The following GABRG1 variants were observed in gnomAD, a reference collection of about 807,000 sequenced individuals.
The protein encoded by GABRG1 is gamma-aminobutyric acid type A receptor subunit gamma1, also known as gamma-aminobutyric acid receptor subunit gamma-1.
In GABRG1, 49 loss-of-function variants were observed where a neutral mutation model predicts 49.8. The ratio of observed to expected loss-of-function variants is 0.98; its 90% CI spans 0.78 to 1.25. GABRG1 has a LOEUF of 1.25. GABRG1 is among the 50% of genes most tolerant of loss of function. The pLI is 0.00. For synonymous variants in GABRG1, 232 were observed against 185.1 expected, an observed-to-expected ratio of 1.25 and a Z score of -2.06; for missense variants, 552 against 552.3, an observed-to-expected ratio of 1.00 and a Z score of 0.01.
At chr4:46,086,143 A>G (rs1719744025) in intron 2 of GABRG1, among the ~76,000 whole-genome samples, 1 of 151,622 alleles carries the variant, frequency 6.6e-6, no homozygotes, top group Non-Finnish European at 1.5e-5. Flanking sequence ...CTGTGCTGTT[A>G]TTTTAAGTAC....
In GABRG1 at chr4:46,059,536, G is replaced by A. The variant is rs115486080; in HGVS notation, c.626-914C>T. Among the ~76,000 whole-genome samples, 255 of 151,926 alleles carry A rather than the reference G, an allele frequency of 1.7e-3. 2 individuals carry two copies. The highest frequency in any genetic ancestry group is 5.9e-3 in the African/African-American group (246 of 41,442). On this transcript the variant is annotated intron_variant, in intron 5 of 8. Transcript: ENST00000295452. ...CCAAGTAGCTGAGACCTATACAGGT[G>A]CTTGCCAACACGAATGGCTACCCTT... is the stretch of plus-strand genomic sequence containing the variant.
At chr4:46,053,056 C>T (rs577951109) in intron 7 of GABRG1, among the ~76,000 whole-genome samples, 91 of 151,606 alleles carry the variant, frequency 6.0e-4, no homozygotes, top group Non-Finnish European at 1.2e-3. Context: ...TTGTGCCTCT[C>T]GTTTAAAAAA....
rs771214901 is a variant in GABRG1 at position 46,041,185 on chromosome 4, C to T, written c.1201G>A (p.Asp401Asn). The T allele has an allele frequency of 1.3e-5, 21 of 1,612,956 alleles. No individual in the cohort carries two copies. Among genetic ancestry groups the T allele is most frequent in the Non-Finnish European group, 1.8e-5 (21 of 1,179,298 alleles). Residue 401 changes from aspartate to asparagine, a missense_variant, in exon 9 of 9, where the codon GAT (aspartate) becomes AAT (asparagine). Transcript: ENST00000295452. ...CCCTCCAAACACTGATACCCATAATCATCTTCTTGCGGCACAGAAATATTA... is the reference window on the plus strand; with the variant it reads ...CCCTCCAAACACTGATACCCATAATTATCTTCTTGCGGCACAGAAATATTA... ...MNNISVPQED[D>N]YGYQCLEGKD... is the part of the protein sequence containing the mutation.
At chr4:46,115,481 A>G (rs539422839) in intron 1 of GABRG1, among the ~76,000 whole-genome samples, 2 of 150,956 alleles carry the variant, frequency 1.3e-5, no homozygotes, top group African/African-American at 4.8e-5. Flanking sequence ...AACAACAGCA[A>G]CAATTGAAAA....
At chr4:46,120,459 AC>A (rs1464615802) in intron 1 of GABRG1, among the ~76,000 whole-genome samples, 1 of 151,750 alleles carries the variant, frequency 6.6e-6, no homozygotes, top group Non-Finnish European at 1.5e-5. Flanking sequence ...GTTTGGATAA[AC>A]TAAAAGACTC....
chr4:46,048,135 C>A (rs751889437), intron 8 of GABRG1, among the ~76,000 whole-genome samples: 2 of 152,062 alleles, frequency 1.3e-5, no homozygotes, highest in East Asian at 3.9e-4. Flanking sequence ...ATTACTAGTG[C>A]CTTTCGGTTT....
chr4:46,113,702 C>T (rs1720789714), intron 1 of GABRG1, among the ~76,000 whole-genome samples: 1 of 151,098 alleles, frequency 6.6e-6, no homozygotes, highest in Non-Finnish European at 1.5e-5. Context: ...CTCCTGAGTG[C>T]CAACTCCAAA....
intron 5 of GABRG1, among the ~76,000 whole-genome samples, chr4:46,060,462 T>G (rs991922554): frequency 6.6e-6 from 1 of 152,174 alleles, no homozygotes; most frequent in Non-Finnish European, 1.5e-5. Context: ...CCTTTCTGGT[T>G]TACAGTTTTC....
rs1717757475 is a variant in GABRG1 at position 46,041,086 on chromosome 4, T to C, written c.1300A>G (p.Ile434Val). 6.2e-7 allele frequency: 1 copy of C among 1,613,194 alleles called. No homozygotes were observed. Among genetic ancestry groups the C allele is most frequent in the African/African-American group, 1.3e-5 (1 of 74,996 alleles). Reference protein sequence around the residue: ...TGSWREGRIHIRIAKIDSYSR... With the variant: ...TGSWREGRIHVRIAKIDSYSR... The stretch of plus-strand genomic sequence containing the variant: ...TAAGAGTCAATTTTGGCAATGCGTA[T>C]GTGTATCCTTCCTTCCCTCCAAGAT... Residue 434 changes from isoleucine (I) to valine (V), a missense_variant, in exon 9 of 9, where the codon ATA (isoleucine) becomes GTA (valine). Physicochemically the swap from Ile to Val is conservative, Grantham distance 29 (BLOSUM62 3). Transcript: ENST00000295452.
intron 4 of GABRG1, among the ~76,000 whole-genome samples, chr4:46,064,824 A>T (rs949010151): frequency 3.9e-5 from 6 of 152,160 alleles, no homozygotes; most frequent in African/African-American, 1.4e-4. Flanking sequence ...ACACATATGC[A>T]AACATAGCAG....
chr4:46,108,428 T>C (rs1720623633), intron 1 of GABRG1, among the ~76,000 whole-genome samples: 1 of 151,158 alleles, frequency 6.6e-6, no homozygotes, highest in Admixed American at 6.6e-5. Context: ...CACTCATTCA[T>C]CAGTCAAGTA....
intron 1 of GABRG1, among the ~76,000 whole-genome samples, chr4:46,122,941 C>A (rs1022293436): frequency 6.6e-6 from 1 of 151,968 alleles, no homozygotes; most frequent in Non-Finnish European, 1.5e-5. Flanking sequence ...ACTACTCCTA[C>A]GTATAATCGA....
At chr4:46,101,461 T>C (rs1040681786) in intron 1 of GABRG1, among the ~76,000 whole-genome samples, 6 of 150,956 alleles carry the variant, frequency 4.0e-5, no homozygotes, top group African/African-American at 1.5e-4. Context: ...CCAGAGAAGG[T>C]AGAATCATAA....
intron 2 of GABRG1, among the ~76,000 whole-genome samples, chr4:46,094,195 A>C (rs1296518866): frequency 6.6e-6 from 1 of 152,030 alleles, no homozygotes; most frequent in East Asian, 1.9e-4. Flanking sequence ...TAAAAAAAAG[A>C]GAAAAGTAGA....
chr4:46,118,132 G>GTGTGTGTGTGTATATATATATA (rs377481920), intron 1 of GABRG1, among the ~76,000 whole-genome samples: 1 of 109,984 alleles, frequency 9.1e-6, no homozygotes, highest in Non-Finnish European at 1.7e-5. Flanking sequence ...GTGTGTGTGT[G>GTGTGTGTGTGTATATATATATA]TATATATATA....
chr4:46,079,338 C>A (rs555121711), intron 3 of GABRG1, among the ~76,000 whole-genome samples: 1 of 151,874 alleles, frequency 6.6e-6, no homozygotes, highest in Admixed American at 6.6e-5. Context: ...TGTTCCTCAG[C>A]CCTGTCTCCG....
chr4:46,075,199 T>C (rs1454031240), intron 3 of GABRG1, among the ~76,000 whole-genome samples: 5 of 152,010 alleles, frequency 3.3e-5, no homozygotes, highest in Non-Finnish European at 7.4e-5. Flanking sequence ...TTACTTTCCT[T>C]TAATCCTACC....
Position 46,038,120 on chromosome 4 carries a change from T to A in GABRG1, c.*2868A>T, listed in dbSNP as rs1298556125. 6.6e-6 allele frequency: 1 copy of A among 151,714 alleles called. No individual in the cohort carries two copies. Among genetic ancestry groups the A allele is most frequent in the African/African-American group, 2.4e-5 (1 of 41,414 alleles). 9.4% of individuals were successfully genotyped at this position (151,714 alleles called of 1,614,324 possible). ...AATAAAATGCCTCCAATTAGTTATCTAATTCCCACTTACATCAAGACTTCA... is the reference window on the plus strand; with the variant it reads ...AATAAAATGCCTCCAATTAGTTATCAAATTCCCACTTACATCAAGACTTCA... On this transcript the variant is annotated 3_prime_UTR_variant, in exon 9 of 9. Coordinates refer to ENST00000295452, the MANE Select transcript of GABRG1 (RefSeq NM_173536.4).
chr4:46,119,763 A>AT (rs1441715344), intron 1 of GABRG1, among the ~76,000 whole-genome samples: 1 of 151,522 alleles, frequency 6.6e-6, no homozygotes, highest in East Asian at 1.9e-4. Context: ...ATTAAAATAT[A>AT]TTTTTTATTT....
Sources: allele counts gnomAD v4.1 joint callset (sites outside exome capture counted in the v4.1 genomes callset), GRCh38; gene constraint gnomAD v4.1.1; transcripts MANE v1.5; gene names NCBI Gene and HGNC (gene_info 2026-07-23, HGNC 2026-07-21).